Variants in ASCC3 observed in about 807,000 individuals in gnomAD.
ASCC3 encodes ASC-1 complex subunit P200.
In ASCC3, 158 loss-of-function variants were observed where a neutral mutation model predicts 256.3. The observed-to-expected ratio is 0.62, with a 90% CI of 0.54 to 0.70. The LOEUF (loss-of-function observed/expected upper bound fraction) is 0.70, where lower values mean the gene tolerates loss of function less well. ASCC3 is among the 30% of genes least tolerant of loss of function. ASCC3 has a pLI of 0.00. For missense variants in ASCC3, 2,259 were observed against 2,626.0 expected, an observed-to-expected ratio of 0.86 and a Z score of 3.05; for synonymous variants, 948 against 883.4, an observed-to-expected ratio of 1.07 and a Z score of -1.30.
At chr6:100,811,929 C>G (rs1020772792) in intron 4 of ASCC3, among the ~76,000 whole-genome samples, 1 of 152,072 alleles carries the variant, frequency 6.6e-6, no homozygotes, top group African/African-American at 2.4e-5. Flanking sequence ...AAATTTATGT[C>G]CCCACAAAAT....
intron 10 of ASCC3, among the ~76,000 whole-genome samples, chr6:100,764,782 A>T (rs1211550463): frequency 2.6e-5 from 4 of 152,150 alleles, no homozygotes; most frequent in African/African-American, 9.7e-5. Flanking sequence ...CCTCACCTCC[A>T]ACTACAATTA....
chr6:100,570,135 T>C (rs552531919), intron 36 of ASCC3, among the ~76,000 whole-genome samples: 1 of 152,350 alleles, frequency 6.6e-6, no homozygotes, highest in African/African-American at 2.4e-5. Context: ...TGAGTTTGTA[T>C]CCTGGAACCT....
intron 37 of ASCC3, among the ~76,000 whole-genome samples, chr6:100,519,816 T>A (rs937822650): frequency 1.3e-5 from 2 of 152,152 alleles, no homozygotes; most frequent in African/African-American, 4.8e-5. Context: ...ATAAAACTTA[T>A]GAGATTTCCC....
intron 1 of ASCC3, among the ~76,000 whole-genome samples, chr6:100,870,729 G>A (rs1773701889): frequency 6.6e-6 from 1 of 152,124 alleles, no homozygotes; most frequent in Non-Finnish European, 1.5e-5. Flanking sequence ...TCAACTACCT[G>A]TTGGGAGTGA....
chr6:100,708,046 A>G (rs905564318), intron 13 of ASCC3, among the ~76,000 whole-genome samples: 6 of 152,212 alleles, frequency 3.9e-5, no homozygotes, highest in Non-Finnish European at 2.9e-5. Context: ...CCAACTTCTC[A>G]CAATTGTAAT....
chr6:100,813,218 G>A (rs1271167488), intron 4 of ASCC3, among the ~76,000 whole-genome samples: 2 of 152,164 alleles, frequency 1.3e-5, no homozygotes, highest in African/African-American at 2.4e-5. Flanking sequence ...CACTTTGGGA[G>A]GCCGAAGCGG....
intron 7 of ASCC3, among the ~76,000 whole-genome samples, chr6:100,799,076 G>A (rs1334986555): frequency 6.6e-6 from 1 of 151,976 alleles, no homozygotes; most frequent in African/African-American, 2.4e-5. Context: ...ACAGTATGTT[G>A]ACAAATCTTA....
At chr6:100,550,680 T>C (rs1255225590) in intron 36 of ASCC3, among the ~76,000 whole-genome samples, 4 of 152,004 alleles carry the variant, frequency 2.6e-5, no homozygotes, top group African/African-American at 9.7e-5. Flanking sequence ...TTTAGTTGTA[T>C]TTCCCTATGT....
intron 13 of ASCC3, among the ~76,000 whole-genome samples, chr6:100,681,840 A>C (rs961598285): frequency 1.3e-5 from 2 of 152,072 alleles, no homozygotes; most frequent in African/African-American, 2.4e-5. Flanking sequence ...TTTTCAACTA[A>C]AGAAAACAAA....
chr6:100,721,801 GTT>G (rs1042744293), intron 11 of ASCC3, among the ~76,000 whole-genome samples: 1 of 147,640 alleles, frequency 6.8e-6, no homozygotes, highest in African/African-American at 2.4e-5. Flanking sequence ...TTTTGTTGTT[GTT>G]GTTGCAATTG....
At chr6:100,738,346 T>C (rs1780278246) in intron 10 of ASCC3, among the ~76,000 whole-genome samples, 1 of 152,202 alleles carries the variant, frequency 6.6e-6, no homozygotes, top group Admixed American at 6.5e-5. Context: ...GTTTTGTAGT[T>C]TGGGGTTTTA....
intron 30 of ASCC3, among the ~76,000 whole-genome samples, chr6:100,613,451 C>G (rs977857490): frequency 3.3e-5 from 5 of 151,886 alleles, no homozygotes; most frequent in Non-Finnish European, 7.4e-5. Flanking sequence ...CTATATAGTT[C>G]CATCCATGCT....
At chr6:100,588,053 C>G (rs1771796678) in intron 36 of ASCC3, among the ~76,000 whole-genome samples, 1 of 152,052 alleles carries the variant, frequency 6.6e-6, no homozygotes, top group African/African-American at 2.4e-5. Context: ...ATGTGTATGA[C>G]TTGAGAGGCA....
chr6:100,651,502 TA>T, intron 19 of ASCC3, 57 bp downstream of exon 19: 1 of 993,084 alleles, frequency 1.0e-6, no homozygotes, highest in Non-Finnish European at 1.5e-6. Flanking sequence ...GAACCTTTTA[TA>T]AATGAATGAA....
chr6:100,702,184 C>G (rs1778388357), intron 13 of ASCC3, among the ~76,000 whole-genome samples: 1 of 151,942 alleles, frequency 6.6e-6, no homozygotes, highest in Non-Finnish European at 1.5e-5. Context: ...ATGATGGTTG[C>G]TTGGCTTACG....
Position 100,642,597 on chromosome 6 carries a change from T to C in ASCC3, c.3885A>G (p.Arg1295=), listed in dbSNP as rs958990494. 1.2e-6 allele frequency: 2 copies of C among 1,613,816 alleles called. No homozygotes were observed. Among genetic ancestry groups the C allele is most frequent in the African/African-American group, 2.7e-5 (2 of 74,900 alleles). ...INFQHLILPE[R]HPPHTELLDL... is the part of the protein sequence containing the mutation. ...CCATGTTACCTGTATGAGGAGGATG[T>C]CTCTCTGGTAGAATTAGATGTTGAA... Residue 1295 remains arginine (R), a synonymous_variant, in exon 24 of 42, where the codon AGA becomes AGG. Transcript: ENST00000369162.
In ASCC3 at chr6:100,509,449, C is replaced by T. The variant is rs763870630; in HGVS notation, c.6546G>A (p.Ala2182=). ...QYDIYLNVTQ[A]SLSAQVNTKV... ...TGGTGTTGACCTGTGCAGAAAGACTCGCTTGTGTAACGTTGAGATAGATGT... is the reference window on the plus strand; with the variant it reads ...TGGTGTTGACCTGTGCAGAAAGACTTGCTTGTGTAACGTTGAGATAGATGT... Residue 2182 remains alanine (A), a synonymous_variant, in exon 42 of 42, where the codon GCG becomes GCA. Transcript: ENST00000369162. 1.1e-5 allele frequency: 17 copies of T among 1,614,166 alleles called. No homozygotes were observed. The highest frequency in any genetic ancestry group is 2.7e-5 in the African/African-American group (2 of 75,032).
Position 100,627,839 on chromosome 6 carries a change from T to C in ASCC3, c.4521+3A>G. On this transcript the variant is annotated splice_donor_region_variant and intron_variant, in intron 28 of 41. Coordinates refer to ENST00000369162, the MANE Select transcript of ASCC3 (RefSeq NM_006828.4). ...ATGCATAATTTATCAATCTTCTACA[T>C]ACCTGCTTAATATTGAGCCAATCAG... 1 of 1,613,630 alleles carries C rather than the reference T, an allele frequency of 6.2e-7. No individual in the cohort carries two copies. Among genetic ancestry groups the C allele is most frequent in the Admixed American group, 1.7e-5 (1 of 59,904 alleles).
At chr6:100,755,809 T>C (rs906705017) in intron 10 of ASCC3, among the ~76,000 whole-genome samples, 2 of 152,178 alleles carry the variant, frequency 1.3e-5, no homozygotes, top group Non-Finnish European at 2.9e-5. Context: ...ATCAAAAAGC[T>C]AACTACTGGA....
Sources: allele counts gnomAD v4.1 joint callset (sites outside exome capture counted in the v4.1 genomes callset), GRCh38; gene constraint gnomAD v4.1.1; transcripts MANE v1.5; gene names NCBI Gene and HGNC (gene_info 2026-07-23, HGNC 2026-07-21).